SYT6: variants seen among roughly 807,000 people sequenced by gnomAD.
The protein encoded by SYT6 is synaptotagmin-6.
A neutral mutation model predicts 38.4 loss-of-function variants in SYT6; 24 were observed. The observed-to-expected ratio is 0.62, with a 90% confidence interval of 0.45 to 0.88. The LOEUF is 0.88. Among genes scored for constraint, SYT6 ranks in the 40% least tolerant of loss-of-function variants. SYT6 has a pLI of 0.00. For synonymous variants in SYT6, 265 were observed against 241.9 expected, an observed-to-expected ratio of 1.10 and a Z score of -0.89; for missense variants, 611 against 621.0, an observed-to-expected ratio of 0.98 and a Z score of 0.17.
Position 114,153,629 on chromosome 1 carries a change from AC to A in SYT6, c.143del (p.Ser48IlefsTer17), listed in dbSNP as rs1679560015. 1 of 610,404 alleles carries A rather than the reference AC, an allele frequency of 1.6e-6. No individual in the cohort carries two copies. The highest frequency in any genetic ancestry group is 1.9e-5 in the South Asian group (1 of 51,704). The allele number at this position is 610,404 out of a possible 1,614,324, so 37.8% of individuals were successfully genotyped here. On this transcript the variant is annotated frameshift_variant, in exon 1 of 8. Transcript: ENST00000610222. LOFTEE classifies it high-confidence loss of function. ...RSFELQPPER[S>X]PSAAGAGTSV... ...CGTTACCTGCGCCTGCCGCGCTGGG[AC>A]TCCGCTCTGGGGGCTGCAGCTCGAA...
At chr1:114,146,106 C>G (rs1409225847) in intron 1 of SYT6, among the ~76,000 whole-genome samples, 19 of 152,134 alleles carry the variant, frequency 1.2e-4, no homozygotes, top group Admixed American at 1.2e-3. Context: ...ACTAGAGGAG[C>G]CTGGGCTTTT....
At chr1:114,095,696 T>C (rs191781183) in intron 6 of SYT6, among the ~76,000 whole-genome samples, 1 of 151,326 alleles carries the variant, frequency 6.6e-6, no homozygotes, top group East Asian at 1.9e-4. Flanking sequence ...AGTCTCGCTC[T>C]GTTGTCCAGG....
At chr1:114,120,047 G>A (rs1480119572) in intron 3 of SYT6, among the ~76,000 whole-genome samples, 1 of 146,400 alleles carries the variant, frequency 6.8e-6, no homozygotes, top group Non-Finnish European at 1.5e-5. Flanking sequence ...CTCCAGCCTG[G>A]GCGACAGAGA....
Position 114,091,608 on chromosome 1 carries a change from C to T in SYT6, c.*526G>A, listed in dbSNP as rs562052439. ...AAAATGCAGCCGCAGTCCCACCACG[C>T]CTCCTCCTTTTCCAGGGTTGTGGAG... is the stretch of plus-strand genomic sequence containing the variant. On this transcript the variant is annotated 3_prime_UTR_variant, in exon 8 of 8. Transcript: ENST00000610222. 2 of 160,556 alleles carry T rather than the reference C, an allele frequency of 1.2e-5. No individual in the cohort carries two copies. The highest frequency in any genetic ancestry group is 4.8e-5 in the African/African-American group (2 of 41,850). The allele number at this position is 160,556 out of a possible 1,614,324, so 9.9% of individuals were successfully genotyped here.
At chr1:114,149,026 T>G (rs926273337) in intron 1 of SYT6, among the ~76,000 whole-genome samples, 1 of 152,042 alleles carries the variant, frequency 6.6e-6, no homozygotes, top group Admixed American at 6.5e-5. Context: ...ACTCCCACTT[T>G]TTGGCCTGAC....
intron 3 of SYT6, among the ~76,000 whole-genome samples, chr1:114,110,277 A>G (rs1272706064): frequency 2.6e-5 from 4 of 152,336 alleles, no homozygotes; most frequent in Non-Finnish European, 5.9e-5. Context: ...TAGTAATGAT[A>G]AGACAAAGTC....
In SYT6 at chr1:114,130,220, A is replaced by T. The variant is rs568235852; in HGVS notation, c.1071+7275T>A. On this transcript the variant is annotated intron_variant, in intron 3 of 7. Coordinates refer to ENST00000610222, the MANE Select transcript of SYT6 (RefSeq NM_001253772.2). ...CACATTTCCCTGCTTCATCTTCTCC[A>T]TGCCATTTATGACTCTCAGACATAC... Among the ~76,000 whole-genome samples, 9 of 139,134 alleles carry T rather than the reference A, an allele frequency of 6.5e-5. No individual in the cohort carries two copies. In the Admixed American group the frequency reaches 6.7e-4, roughly 10 times the overall value. 91.3% of individuals were successfully genotyped at this position (139,134 alleles called of 152,430 possible).
rs115063156 is a variant in SYT6, at chr1:114,121,006, C to T, written c.1071+16489G>A. ...GGGCCTTCATTGAAGCTGTCCCTAC[C>T]GCCCTGCCCACTGGGCAGCTAACTG... is the stretch of plus-strand genomic sequence containing the variant. On this transcript the variant is annotated intron_variant, in intron 3 of 7. Transcript: ENST00000610222. 2.6e-3 allele frequency among the ~76,000 whole-genome samples: 402 copies of T among 152,318 alleles called. 1 individual carries two copies. Among genetic ancestry groups the T allele is most frequent in the African/African-American group, 9.0e-3 (375 of 41,566 alleles).
intron 1 of SYT6, among the ~76,000 whole-genome samples, chr1:114,153,347 C>A (rs939392356): frequency 1.3e-5 from 2 of 152,216 alleles, no homozygotes; most frequent in Admixed American, 1.3e-4. Context: ...GTCCTGGGAG[C>A]CTGGCTGTCT....
chr1:114,121,938 T>C (rs959022516), intron 3 of SYT6, among the ~76,000 whole-genome samples: 6 of 152,358 alleles, frequency 3.9e-5, no homozygotes, highest in South Asian at 2.1e-4. Flanking sequence ...GAGATTGTTG[T>C]CCACATTTGG....
chr1:114,151,569 G>A (rs1332309760), intron 1 of SYT6, among the ~76,000 whole-genome samples: 3 of 152,104 alleles, frequency 2.0e-5, no homozygotes, highest in Non-Finnish European at 2.9e-5. Context: ...AACTTCCACC[G>A]TCACCCCCAG....
At chr1:114,107,811 A>C (rs1676420215) in intron 3 of SYT6, among the ~76,000 whole-genome samples, 1 of 152,166 alleles carries the variant, frequency 6.6e-6, no homozygotes, top group South Asian at 2.1e-4. Flanking sequence ...ATGGCTTACC[A>C]GCCTTTTATC....
intron 3 of SYT6, among the ~76,000 whole-genome samples, chr1:114,121,523 C>T (rs1677401890): frequency 6.6e-6 from 1 of 152,190 alleles, no homozygotes; most frequent in Admixed American, 6.5e-5. Context: ...ATGGGAGTTG[C>T]AGTATTCTTG....
At chr1:114,114,830 G>A (rs1676897178) in intron 3 of SYT6, among the ~76,000 whole-genome samples, 2 of 152,196 alleles carry the variant, frequency 1.3e-5, no homozygotes, top group Admixed American at 6.5e-5. Context: ...CCAAGCAAAA[G>A]TTAAGGCATA....
intron 4 of SYT6, among the ~76,000 whole-genome samples, chr1:114,103,144 T>A (rs1676067196): frequency 6.6e-6 from 1 of 152,252 alleles, no homozygotes; most frequent in Admixed American, 6.5e-5. Flanking sequence ...TGCACAGAAT[T>A]GCTGCCATAA....
intron 2 of SYT6, among the ~76,000 whole-genome samples, chr1:114,138,443 G>A (rs1678644532): frequency 6.6e-6 from 1 of 152,028 alleles, no homozygotes; most frequent in Non-Finnish European, 1.5e-5. Flanking sequence ...CCTCAATGTG[G>A]CACCCACTTC....
intron 7 of SYT6, among the ~76,000 whole-genome samples, chr1:114,092,388 G>T (rs981766166): frequency 1.3e-5 from 2 of 151,688 alleles, no homozygotes; most frequent in African/African-American, 4.9e-5. Flanking sequence ...TGCTCTGACT[G>T]GGCCATTTCT....
At chr1:114,147,932 C>A (rs1044924097) in intron 1 of SYT6, among the ~76,000 whole-genome samples, 1 of 152,164 alleles carries the variant, frequency 6.6e-6, no homozygotes, top group Non-Finnish European at 1.5e-5. Context: ...AGAACAGACA[C>A]AAAGCTAAGC....
chr1:114,104,582 A>G (rs889646918), intron 3 of SYT6, among the ~76,000 whole-genome samples: 18 of 152,188 alleles, frequency 1.2e-4, no homozygotes, highest in Non-Finnish European at 2.1e-4. Context: ...ACTCCAAGAT[A>G]TGGAGACATT....
Sources: gnomAD v4.1 joint callset for allele counts (sites outside exome capture counted in the v4.1 genomes callset) on GRCh38, gnomAD v4.1.1 for gene constraint, MANE v1.5 for transcripts, NCBI Gene and HGNC (gene_info 2026-07-23, HGNC 2026-07-21) for gene names.